The following ZDHHC17 variants were observed in gnomAD, a reference collection of about 807,000 sequenced individuals.
ZDHHC17 encodes palmitoyltransferase ZDHHC17.
ZDHHC17 carries 40 observed loss-of-function variants against 90.3 expected under a neutral mutation model. That is an observed-to-expected ratio of 0.44 (90% confidence interval 0.34 to 0.58). ZDHHC17 has a LOEUF of 0.58. ZDHHC17 is among the 20% of genes least tolerant of loss of function. The pLI, the probability that ZDHHC17 is intolerant of heterozygous loss-of-function variation, is 0.01. For missense variants in ZDHHC17, 614 were observed against 780.8 expected (o/e 0.79, Z 2.55); for synonymous variants, 235 against 252.4 (o/e 0.93, Z 0.65).
Position 76,851,733 on chromosome 12 carries a change from C to G in ZDHHC17, c.*748C>G, listed in dbSNP as rs1953570171. 1 of 152,576 alleles carries G rather than the reference C, an allele frequency of 6.6e-6. No individual in the cohort carries two copies. The highest frequency in any genetic ancestry group is 2.4e-5 in the African/African-American group (1 of 41,440). The allele number at this position is 152,576 out of a possible 1,614,324, so 9.5% of individuals were successfully genotyped here. ...AAAGCCCTGCTAATTGCATGACACA[C>G]CACATAGAATGTATACTAGCAGATA... is the stretch of plus-strand genomic sequence containing the variant. On this transcript the variant is annotated 3_prime_UTR_variant, in exon 17 of 17. Coordinates refer to ENST00000426126, the MANE Select transcript of ZDHHC17 (RefSeq NM_015336.4).
intron 10 of ZDHHC17, among the ~76,000 whole-genome samples, chr12:76,832,841 A>G (rs1953320401): frequency 6.6e-6 from 1 of 152,244 alleles, no homozygotes; most frequent in Non-Finnish European, 1.5e-5. Context: ...GAACTAAAAC[A>G]AGACAGAATG....
chr12:76,777,427 A>G (rs1952571661), intron 1 of ZDHHC17, among the ~76,000 whole-genome samples: 1 of 152,198 alleles, frequency 6.6e-6, no homozygotes, highest in Admixed American at 6.5e-5. Context: ...TGTGTTAACC[A>G]TTCACCCATT....
intron 1 of ZDHHC17, among the ~76,000 whole-genome samples, chr12:76,778,448 C>G (rs1952585795): frequency 6.6e-6 from 1 of 152,148 alleles, no homozygotes; most frequent in African/African-American, 2.4e-5. Flanking sequence ...GTCTCAAACT[C>G]ATGACCTCAG....
chr12:76,831,601 C>T (rs542997441), intron 10 of ZDHHC17, among the ~76,000 whole-genome samples: 12 of 152,302 alleles, frequency 7.9e-5, no homozygotes, highest in South Asian at 2.1e-4. Context: ...CCGCCCGCCT[C>T]GGTCTTCCAA....
intron 2 of ZDHHC17, among the ~76,000 whole-genome samples, chr12:76,799,211 A>G (rs137983717): frequency 0.011 from 1,683 of 152,260 alleles, 11 homozygotes; most frequent in Non-Finnish European, 0.017. Context: ...TTTCCTTAGG[A>G]TGTGTATTTT....
intron 1 of ZDHHC17, among the ~76,000 whole-genome samples, chr12:76,782,601 A>T (rs1468893430): frequency 6.6e-6 from 1 of 152,114 alleles, no homozygotes; most frequent in African/African-American, 2.4e-5. Flanking sequence ...AACCTCAGAT[A>T]TGTTCCACTG....
At position 76,797,469 on chromosome 12, in the gene ZDHHC17, T is replaced by C. The variant is rs1374492221; in HGVS notation, c.129T>C (p.Tyr43=). ...CCCAAAGCCATTATAACCATGGATA[T>C]GGTGAACCTCTTGGACGGAAAACTC... ...IKPQSHYNHG[Y]GEPLGRKTHI... The change falls in exon 2 of 17, where the codon TAT becomes TAC. Residue 43 remains tyrosine (Y), a synonymous_variant. Transcript: ENST00000426126. 1 of 1,611,094 alleles carries C rather than the reference T, an allele frequency of 6.2e-7. No homozygotes were observed. The highest frequency in any genetic ancestry group is 8.5e-7 in the Non-Finnish European group (1 of 1,178,482).
chr12:76,796,438 A>T (rs1952820333), intron 1 of ZDHHC17, among the ~76,000 whole-genome samples: 1 of 152,152 alleles, frequency 6.6e-6, no homozygotes. Context: ...TATTTTTAAT[A>T]GAAAATTACA....
chr12:76,827,905 C>A (rs1320822851), intron 9 of ZDHHC17, among the ~76,000 whole-genome samples: 7 of 152,152 alleles, frequency 4.6e-5, no homozygotes, highest in African/African-American at 1.7e-4. Context: ...AAAAACACAA[C>A]TCTTCAGTTT....
chr12:76,817,331 CAG>C (rs1400994748), intron 7 of ZDHHC17, among the ~76,000 whole-genome samples: 2 of 152,026 alleles, frequency 1.3e-5, no homozygotes, highest in Non-Finnish European at 2.9e-5. Context: ...TATCTGAATT[CAG>C]AGTGTTACTA....
At chr12:76,821,988 C>A (rs7137064) in intron 7 of ZDHHC17, among the ~76,000 whole-genome samples, 3 of 151,898 alleles carry the variant, frequency 2.0e-5, no homozygotes, top group African/African-American at 4.8e-5. Flanking sequence ...CTGAAGACTC[C>A]TATCATTGTT....
At chr12:76,800,722 C>T (rs1952876072) in intron 2 of ZDHHC17, among the ~76,000 whole-genome samples, 1 of 152,092 alleles carries the variant, frequency 6.6e-6, no homozygotes, top group East Asian at 1.9e-4. Flanking sequence ...TAATTTCCCA[C>T]TCATTTGCCT....
At chr12:76,778,171 A>C (rs1393471568) in intron 1 of ZDHHC17, among the ~76,000 whole-genome samples, 2 of 152,030 alleles carry the variant, frequency 1.3e-5, no homozygotes, top group African/African-American at 2.4e-5. Context: ...GAGATGAAGA[A>C]GTCTATATTG....
At position 76,851,000 on chromosome 12, in the gene ZDHHC17, A is replaced by G. The variant is rs751919016; in HGVS notation, c.*15A>G. ...AGCTGGTGTAGCGACATCTTATCCT[A>G]TGAAGCATATTGCTGAGTGGTGCCT... On this transcript the variant is annotated 3_prime_UTR_variant, in exon 17 of 17. Transcript: ENST00000426126. The G allele has an allele frequency of 2.5e-6, 4 of 1,613,528 alleles. No homozygotes were observed. Among genetic ancestry groups the G allele is most frequent in the Admixed American group, 3.3e-5 (2 of 59,972 alleles).
chr12:76,786,842 C>A (rs527405211), intron 1 of ZDHHC17, among the ~76,000 whole-genome samples: 4 of 152,282 alleles, frequency 2.6e-5, no homozygotes, highest in Non-Finnish European at 5.9e-5. Context: ...TTACTTCCTT[C>A]CTCAAAACTC....
chr12:76,835,810 T>C (rs1565802930), intron 10 of ZDHHC17, among the ~76,000 whole-genome samples: 1 of 152,118 alleles, frequency 6.6e-6, no homozygotes, highest in Non-Finnish European at 1.5e-5. Context: ...TTCCTGACTT[T>C]AAAGGGTATC....
chr12:76,817,035 G>A (rs1953096956), intron 7 of ZDHHC17, among the ~76,000 whole-genome samples: 1 of 152,012 alleles, frequency 6.6e-6, no homozygotes, highest in Non-Finnish European at 1.5e-5. Context: ...CCTGATAAGC[G>A]ATGGGCACTC....
intron 7 of ZDHHC17, among the ~76,000 whole-genome samples, chr12:76,819,037 T>C (rs1044256895): frequency 6.6e-6 from 1 of 152,016 alleles, no homozygotes; most frequent in African/African-American, 2.4e-5. Context: ...ATGACTGGAT[T>C]TGGAGAGGAT....
intron 7 of ZDHHC17, among the ~76,000 whole-genome samples, chr12:76,818,533 C>G (rs1197396232): frequency 6.6e-6 from 1 of 152,134 alleles, no homozygotes; most frequent in African/African-American, 2.4e-5. Flanking sequence ...GGACCACATC[C>G]AGTGAGAGTG....
Sources: gnomAD v4.1 joint callset for allele counts (sites outside exome capture counted in the v4.1 genomes callset) on GRCh38, gnomAD v4.1.1 for gene constraint, MANE v1.5 for transcripts, NCBI Gene and HGNC (gene_info 2026-07-23, HGNC 2026-07-21) for gene names.